WIPF3: variants seen among roughly 807,000 people sequenced by gnomAD.
WIPF3 encodes the protein WAS/WASL interacting protein family member 3.
WIPF3 carries 33 observed loss-of-function variants against 38.9 expected under a neutral mutation model. The ratio of observed to expected loss-of-function variants is 0.85; its 90% CI spans 0.64 to 1.14. The LOEUF is 1.14. Among genes scored for constraint, WIPF3 ranks in the 50% most tolerant of loss-of-function variants. The probability of loss-of-function intolerance (pLI) is 0.00; values close to 1 mark genes in which losing one functional copy is unlikely to be tolerated. For missense variants in WIPF3, 711 were observed against 652.5 expected (o/e 1.09, Z -0.98); for synonymous variants, 324 against 269.3 (o/e 1.20, Z -1.99).
intron 1 of WIPF3, among the ~76,000 whole-genome samples, chr7:29,813,847 C>T (rs750796317): frequency 2.6e-5 from 4 of 152,154 alleles, no homozygotes; most frequent in Non-Finnish European, 5.9e-5. Flanking sequence ...TCCTTGACAA[C>T]CACTAATCTA....
intron 1 of WIPF3, among the ~76,000 whole-genome samples, chr7:29,811,449 T>C (rs947179636): frequency 6.6e-6 from 1 of 152,110 alleles, no homozygotes; most frequent in African/African-American, 2.4e-5. Flanking sequence ...AGAGGTAATT[T>C]ACAGAACCAG....
At chr7:29,905,045 C>T (rs1007501550) in intron 8 of WIPF3, 2 of 152,226 alleles carry the variant, frequency 1.3e-5, no homozygotes, top group African/African-American at 4.8e-5. Context: ...TTTCTGAATA[C>T]TATGTGACAG....
At chr7:29,888,359 A>C in intron 6 of WIPF3, 142 bp downstream of exon 6, 1 of 1,102,122 alleles carries the variant, frequency 9.1e-7, no homozygotes, top group East Asian at 2.6e-5. Context: ...CTCCAGCACC[A>C]ACCAGCCCAT....
chr7:29,820,207 A>G (rs1435167020), intron 1 of WIPF3, among the ~76,000 whole-genome samples: 1 of 152,076 alleles, frequency 6.6e-6, no homozygotes, highest in Admixed American at 6.5e-5. Context: ...CATGGCTGCT[A>G]ACTCAAACTT....
At chr7:29,843,813 A>C (rs574824499) in intron 2 of WIPF3, among the ~76,000 whole-genome samples, 11 of 151,658 alleles carry the variant, frequency 7.3e-5, no homozygotes, top group East Asian at 5.9e-4. Context: ...GGAAAAAAAA[A>C]CTCCACCCAC....
intron 1 of WIPF3, among the ~76,000 whole-genome samples, chr7:29,820,268 A>G (rs1583590136): frequency 6.6e-6 from 1 of 151,910 alleles, no homozygotes; most frequent in East Asian, 1.9e-4. Context: ...GCCTTGTTTA[A>G]TGGTTTTTAT....
chr7:29,891,946 C>G (rs1786033072), intron 7 of WIPF3, among the ~76,000 whole-genome samples: 1 of 152,192 alleles, frequency 6.6e-6, no homozygotes, highest in Admixed American at 6.5e-5. Flanking sequence ...TAGGAACCAT[C>G]TGTCCCACGT....
rs999677922 is a variant in WIPF3, at chr7:29,915,508, A to G, written c.*992A>G. On this transcript the variant is annotated 3_prime_UTR_variant, in exon 9 of 9. Coordinates refer to ENST00000242140, the MANE Select transcript of WIPF3 (RefSeq NM_001080529.3). ...AAATACCTAGTGCCTCACTGCCCCCATCTTAGGATCCTTGGAGCCACCCGT... is the reference window on the plus strand; with the variant it reads ...AAATACCTAGTGCCTCACTGCCCCCGTCTTAGGATCCTTGGAGCCACCCGT... 6.6e-6 allele frequency: 1 copy of G among 152,078 alleles called. No individual in the cohort carries two copies. Among genetic ancestry groups the G allele is most frequent in the Non-Finnish European group, 1.5e-5 (1 of 68,012 alleles). The allele number at this position is 152,078 out of a possible 1,614,324, so 9.4% of individuals were successfully genotyped here.
rs1583600151 is a variant in WIPF3, at chr7:29,844,577, T to C, written c.90+9763T>C. ...ATGGGTAGAGGCTGGATTCCTCCCC[T>C]GCCTTTCTGGCCATTGAGCCTAACT... On this transcript the variant is annotated intron_variant, in intron 2 of 8. Transcript: ENST00000242140. This position sits in a 1 kb window ranked among gnomAD's most constrained non-coding sequence, Gnocchi z 4.8. Among the ~76,000 whole-genome samples, 1 of 152,230 alleles carries C rather than the reference T, an allele frequency of 6.6e-6. No individual in the cohort carries two copies. Among genetic ancestry groups the C allele is most frequent in the South Asian group, 2.1e-4 (1 of 4,838 alleles).
chr7:29,879,980 G>A (rs1785682860), intron 4 of WIPF3, among the ~76,000 whole-genome samples: 1 of 152,186 alleles, frequency 6.6e-6, no homozygotes. Flanking sequence ...TTCGCCTCTT[G>A]ATGAGAGGAA....
intron 2 of WIPF3, among the ~76,000 whole-genome samples, chr7:29,864,647 A>G (rs918614564): frequency 1.3e-5 from 2 of 152,224 alleles, no homozygotes; most frequent in African/African-American, 4.8e-5. Context: ...AGGGTAAGAT[A>G]TGATAACTCC....
At chr7:29,861,528 A>C (rs916020736) in intron 2 of WIPF3, among the ~76,000 whole-genome samples, 1 of 152,186 alleles carries the variant, frequency 6.6e-6, no homozygotes, top group Non-Finnish European at 1.5e-5. Context: ...ACCTGTTAGC[A>C]TAGTAGTTTA....
Position 29,884,449 on chromosome 7 carries a change from A to G in WIPF3, c.955A>G (p.Ser319Gly), listed in dbSNP as rs1338726525. 2 of 1,507,678 alleles carry G rather than the reference A, an allele frequency of 1.3e-6. No individual in the cohort carries two copies. Among genetic ancestry groups the G allele is most frequent in the African/African-American group, 1.6e-5 (1 of 64,364 alleles). 93.4% of individuals were successfully genotyped at this position (1,507,678 alleles called of 1,614,324 possible). ...GCCCCCTTTGCCAGGAGTTAATAGC[A>G]GCAGTGAAACTCCACCCCCGCTACC... ...PAPPLPGVNS[S>G]SETPPPLPPK... The change falls in exon 5 of 9, where the codon AGC (serine) becomes GGC (glycine). Residue 319 changes from serine to glycine, a missense_variant. Ser to Gly is a moderately conservative substitution (Grantham distance 56). Transcript: ENST00000242140.
intron 2 of WIPF3, among the ~76,000 whole-genome samples, chr7:29,861,557 A>G (rs1785276853): frequency 6.6e-6 from 1 of 152,026 alleles, no homozygotes; most frequent in Non-Finnish European, 1.5e-5. Flanking sequence ...TCTATTTGCC[A>G]TTTATTTATT....
chr7:29,867,255 T>G (rs1011751474), intron 2 of WIPF3, among the ~76,000 whole-genome samples: 1 of 152,158 alleles, frequency 6.6e-6, no homozygotes, highest in Non-Finnish European at 1.5e-5. Flanking sequence ...AGACTGGTTA[T>G]TTCAAATGAG....
intron 2 of WIPF3, among the ~76,000 whole-genome samples, chr7:29,843,951 T>G (rs920037462): frequency 9.2e-5 from 14 of 152,016 alleles, no homozygotes; most frequent in African/African-American, 3.4e-4. Context: ...GCAATGTGAC[T>G]TCCTGGCTGC....
intron 7 of WIPF3, among the ~76,000 whole-genome samples, chr7:29,892,857 G>A (rs1786052578): frequency 6.6e-6 from 1 of 152,202 alleles, no homozygotes; most frequent in Admixed American, 6.5e-5. Flanking sequence ...CCTGAGGTCA[G>A]GAGTTTGAGA....
intron 2 of WIPF3, among the ~76,000 whole-genome samples, chr7:29,860,835 G>T (rs1202192429): frequency 6.6e-6 from 1 of 152,100 alleles, no homozygotes; most frequent in Non-Finnish European, 1.5e-5. Flanking sequence ...GGGAATTGTT[G>T]GTTTTAAGTC....
chr7:29,830,302 C>T (rs1032068335), intron 1 of WIPF3, among the ~76,000 whole-genome samples: 1 of 151,378 alleles, frequency 6.6e-6, no homozygotes, highest in Admixed American at 6.6e-5. Flanking sequence ...ATTACAGCCA[C>T]CTTTATGGGG....
Sources: gnomAD v4.1 joint callset for allele counts (sites outside exome capture counted in the v4.1 genomes callset) on GRCh38, gnomAD v4.1.1 for gene constraint, Gnocchi (gnomAD v3.1) non-coding constraint, MANE v1.5 for transcripts, NCBI Gene and HGNC (gene_info 2026-07-23, HGNC 2026-07-21) for gene names.